Variants in LRRC75A observed in about 807,000 individuals in gnomAD.
LRRC75A encodes leucine-rich repeat-containing protein 75A.
In LRRC75A, 12 loss-of-function variants were observed where a neutral mutation model predicts 26.0. That is an observed-to-expected ratio of 0.46 (90% CI 0.30 to 0.75). The LOEUF (loss-of-function observed/expected upper bound fraction) is 0.75. Ranked by LOEUF, LRRC75A falls within the 30% of genes least tolerant of loss-of-function variation. The pLI is 0.08. For missense variants in LRRC75A, 410 were observed against 486.6 expected (o/e 0.84, Z 1.48); for synonymous variants, 223 against 219.3 (o/e 1.02, Z -0.15).
intron 1 of LRRC75A, chr17:16,463,862 T>G (rs1320390983): frequency 6.6e-6 from 1 of 152,312 alleles, no homozygotes; most frequent in Non-Finnish European, 1.5e-5. Flanking sequence ...TTCTGCAGAT[T>G]GCACTGCTCT....
Position 16,444,093 on chromosome 17 carries a change from G to C in LRRC75A, c.530C>G (p.Thr177Arg). The C allele has an allele frequency of 6.2e-7, 1 of 1,610,256 alleles. No homozygotes were observed. The highest frequency in any genetic ancestry group is 8.5e-7 in the Non-Finnish European group (1 of 1,177,540). ...AVLAGSPPDN[T>R]VDLSGIPLTS... is the part of the protein sequence containing the mutation. The stretch of plus-strand genomic sequence containing the variant: ...CAGTGGGATTCCCGACAGGTCCACT[G>C]TGTTGTCTGGGGGGCTTCCGGCCAG... Residue 177 changes from threonine (T) to arginine (R), a missense_variant, in exon 4 of 4, where the codon ACA (threonine) becomes AGA (arginine). By Grantham distance (71) the Thr-to-Arg change is moderately conservative (BLOSUM62 -1). Transcript: ENST00000470794.
chr17:16,468,095 CTT>C (rs1196453081), intron 1 of LRRC75A, among the ~76,000 whole-genome samples: 2 of 152,224 alleles, frequency 1.3e-5, no homozygotes, highest in Non-Finnish European at 2.9e-5. Context: ...AAACTGGAAA[CTT>C]TGTGCGCTGC....
intron 1 of LRRC75A, among the ~76,000 whole-genome samples, chr17:16,485,041 G>A (rs1359316703): frequency 6.6e-6 from 1 of 151,892 alleles, no homozygotes; most frequent in African/African-American, 2.4e-5. Context: ...GGGGTAGGGA[G>A]GAGAGCAGGC....
intron 2 of LRRC75A, among the ~76,000 whole-genome samples, chr17:16,458,397 G>A (rs1373575774): frequency 2.0e-5 from 3 of 152,172 alleles, no homozygotes; most frequent in African/African-American, 7.2e-5. Flanking sequence ...CTGCCATGAT[G>A]TGAGGACACT....
chr17:16,483,168 C>A (rs1420443985), intron 1 of LRRC75A, among the ~76,000 whole-genome samples: 1 of 152,234 alleles, frequency 6.6e-6, no homozygotes, highest in East Asian at 1.9e-4. Context: ...GCAGAGCCTG[C>A]CCCAGCCTCA....
rs1424540811 is a variant in LRRC75A at position 16,442,869 on chromosome 17, T to C, written c.*719A>G. The C allele has an allele frequency of 6.6e-6, 1 of 152,236 alleles. No homozygotes were observed. The highest frequency in any genetic ancestry group is 1.5e-5 in the Non-Finnish European group (1 of 68,052). The allele number at this position is 152,236 out of a possible 1,614,324, so 9.4% of individuals were successfully genotyped here. A position where few individuals can be genotyped will look rare whatever the true frequency, so the allele number is the denominator to read the frequency against. Reference sequence around the variant, plus strand: ...GCCAGCAGTGGGTAGGGAAGGTGGATAGGGGATTTCTGAACAGGACTTTAT... The same window carrying C: ...GCCAGCAGTGGGTAGGGAAGGTGGACAGGGGATTTCTGAACAGGACTTTAT... On this transcript the variant is annotated 3_prime_UTR_variant, in exon 4 of 4. Coordinates refer to ENST00000470794, the MANE Select transcript of LRRC75A (RefSeq NM_001113567.3).
intron 1 of LRRC75A, among the ~76,000 whole-genome samples, chr17:16,475,429 A>G (rs1038292673): frequency 6.6e-5 from 10 of 152,200 alleles, no homozygotes. Flanking sequence ...GGACCCAGGA[A>G]GGAGCTGGCA....
chr17:16,459,672 A>T (rs1033295627), intron 2 of LRRC75A, among the ~76,000 whole-genome samples: 1 of 152,152 alleles, frequency 6.6e-6, no homozygotes, highest in Admixed American at 6.5e-5. Flanking sequence ...TCCGGTCTTG[A>T]CACCTCTGCC....
chr17:16,486,265 C>T (rs2093846948), intron 1 of LRRC75A, among the ~76,000 whole-genome samples: 1 of 152,152 alleles, frequency 6.6e-6, no homozygotes, highest in Admixed American at 6.5e-5. Context: ...AAAGCAGTTT[C>T]TGGTAATCTC....
chr17:16,480,086 T>C (rs1401107547), intron 1 of LRRC75A, among the ~76,000 whole-genome samples: 3 of 152,230 alleles, frequency 2.0e-5, no homozygotes, highest in African/African-American at 7.2e-5. Context: ...GAGAATCTAA[T>C]GCCTGATGAT....
At chr17:16,487,860 C>T (rs925660678) in intron 1 of LRRC75A, among the ~76,000 whole-genome samples, 2 of 152,216 alleles carry the variant, frequency 1.3e-5, no homozygotes, top group Non-Finnish European at 2.9e-5. Flanking sequence ...CTGGGAGGCC[C>T]AAACAAGTTA....
intron 3 of LRRC75A, among the ~76,000 whole-genome samples, chr17:16,447,476 T>C (rs11868873): frequency 0.35 from 52,646 of 151,996 alleles, 9,526 homozygotes; most frequent in Non-Finnish European, 0.38. Flanking sequence ...GGCTAATTTT[T>C]GTATTTTTAC....
rs982838773 is a variant in LRRC75A, at chr17:16,482,759, T to C, written c.246+8986A>G. Among the ~76,000 whole-genome samples, 3 of 152,228 alleles carry C rather than the reference T, an allele frequency of 2.0e-5. No individual in the cohort carries two copies. In the South Asian group the frequency reaches 6.2e-4, roughly 31 times the overall value. ...TCCTCTATGGCATCAGCGACTGCCC[T>C]GAGCCCTTCTAGAAATTAGCATCTT... On this transcript the variant is annotated intron_variant, in intron 1 of 3. Transcript: ENST00000470794.
Position 16,492,135 on chromosome 17 carries a change from C to CGTCGCGG in LRRC75A, c.-146_-145insCCGCGAC, listed in dbSNP as rs2093859066. ...TGCGCGCGGGCGTCGCGGGGGCGGG[C>CGTCGCGG]GGGCGGGCGGCTGTCGGCGCTCCCC... On this transcript the variant is annotated 5_prime_UTR_variant, in exon 1 of 4. Coordinates refer to ENST00000470794, the MANE Select transcript of LRRC75A (RefSeq NM_001113567.3). The CGTCGCGG allele has an allele frequency of 3.1e-6, 2 of 642,820 alleles. No homozygotes were observed. The highest frequency in any genetic ancestry group is 3.9e-6 in the Non-Finnish European group (2 of 515,850). 39.8% of individuals were successfully genotyped at this position (642,820 alleles called of 1,614,324 possible). A position where few individuals can be genotyped will look rare whatever the true frequency, so the allele number is the denominator to read the frequency against.
chr17:16,444,111 C>T lies in LRRC75A; in HGVS notation c.512G>A (p.Gly171Glu). 1 of 1,603,084 alleles carries T rather than the reference C, an allele frequency of 6.2e-7. No homozygotes were observed. Among genetic ancestry groups the T allele is most frequent in the Non-Finnish European group, 8.5e-7 (1 of 1,172,292 alleles). ...GTCCACTGTGTTGTCTGGGGGGCTT[C>T]CGGCCAGGACAGCCTTGAGGCTGAA... is the stretch of plus-strand genomic sequence containing the variant. ...PQACLKAVLAGSPPDNTVDLS... is the reference protein window; with the variant it reads ...PQACLKAVLAESPPDNTVDLS... Residue 171 changes from glycine to glutamate, a missense_variant, in exon 4 of 4, where the codon GGA becomes GAA. Gly to Glu is a moderately conservative substitution (Grantham distance 98, BLOSUM62 -2). Transcript: ENST00000470794.
At chr17:16,451,744 GC>G (rs1165701746) in intron 2 of LRRC75A, among the ~76,000 whole-genome samples, 7 of 151,798 alleles carry the variant, frequency 4.6e-5, no homozygotes, top group African/African-American at 1.7e-4. Context: ...TCTCAGGGGA[GC>G]TTTTTTTTCT....
chr17:16,480,757 A>G (rs533306209), intron 1 of LRRC75A, among the ~76,000 whole-genome samples: 3 of 152,134 alleles, frequency 2.0e-5, no homozygotes, highest in African/African-American at 7.2e-5. Flanking sequence ...GCTACAGGGA[A>G]GGGGCAGCAC....
chr17:16,456,240 GGA>G (rs2093680228), intron 2 of LRRC75A, among the ~76,000 whole-genome samples: 1 of 146,154 alleles, frequency 6.8e-6, no homozygotes, highest in African/African-American at 2.5e-5. Context: ...GGAGAAAGGA[GGA>G]GAAGAAGGAA....
chr17:16,467,980 T>C (rs892195231), intron 1 of LRRC75A, among the ~76,000 whole-genome samples: 1 of 152,166 alleles, frequency 6.6e-6, no homozygotes, highest in African/African-American at 2.4e-5. Flanking sequence ...CCAGCCAAAA[T>C]CTTTCTAATA....
Sources: allele counts gnomAD v4.1 joint callset (sites outside exome capture counted in the v4.1 genomes callset), GRCh38; gene constraint gnomAD v4.1.1; transcripts MANE v1.5; gene names NCBI Gene and HGNC (gene_info 2026-07-23, HGNC 2026-07-21).